Variants in FRMD4B observed in about 807,000 individuals in gnomAD.
FRMD4B encodes the protein FERM domain containing 4B, also known as FERM domain-containing protein 4B.
Under a neutral mutation model 141.5 loss-of-function variants are expected in FRMD4B, and 74 were observed. The observed-to-expected ratio is 0.52, with a 90% CI of 0.43 to 0.63. The LOEUF (loss-of-function observed/expected upper bound fraction) is 0.63, where lower values mean the gene tolerates loss of function less well. FRMD4B is among the 30% of genes least tolerant of loss of function. The probability of loss-of-function intolerance (pLI) is 0.00; values close to 1 mark genes in which losing one functional copy is unlikely to be tolerated. For missense variants in FRMD4B, 1,366 were observed against 1,253.4 expected, an observed-to-expected ratio of 1.09 and a Z score of -1.36; for synonymous variants, 506 against 467.9, an observed-to-expected ratio of 1.08 and a Z score of -1.05.
Position 69,215,437 on chromosome 3 carries a change from T to C in FRMD4B, c.876+826A>G, listed in dbSNP as rs138370355. 3.7e-3 allele frequency among the ~76,000 whole-genome samples: 554 copies of C among 151,466 alleles called. 7 individuals carry two copies. Among genetic ancestry groups the C allele is most frequent in the African/African-American group, 0.012 (513 of 41,324 alleles). On this transcript the variant is annotated intron_variant, in intron 11 of 22. Coordinates refer to ENST00000398540, the MANE Select transcript of FRMD4B (RefSeq NM_015123.3). ...CCTCCCGAGTAGCTAGGATTACAGA[T>C]GCCTGCCACTACACGTGGCTAATTT...
chr3:69,427,125 CT>C (rs1392987655), intron 2 of FRMD4B, among the ~76,000 whole-genome samples: 1 of 151,878 alleles, frequency 6.6e-6, no homozygotes, highest in Non-Finnish European at 1.5e-5. Flanking sequence ...AAACTGACCT[CT>C]GGTGGTAAAT....
intron 1 of FRMD4B, among the ~76,000 whole-genome samples, chr3:69,373,217 C>T (rs1703877909): frequency 6.6e-6 from 1 of 152,168 alleles, no homozygotes; most frequent in African/African-American, 2.4e-5. Context: ...ACCCTTTTTA[C>T]TTTAGTTTAA....
At chr3:69,530,619 T>C (rs1700997728) in intron 1 of FRMD4B, among the ~76,000 whole-genome samples, 1 of 152,014 alleles carries the variant, frequency 6.6e-6, no homozygotes, top group African/African-American at 2.4e-5. Context: ...CAAAATGAAC[T>C]AAGACGTTTA....
At chr3:69,387,914 T>C (rs1036189364), upstream of FRMD4B, among the ~76,000 whole-genome samples, 1 of 152,216 alleles carries the variant, frequency 6.6e-6, no homozygotes, top group Non-Finnish European at 1.5e-5. Flanking sequence ...CCATCAGTAT[T>C]AGTATTGATG....
intron 1 of FRMD4B, among the ~76,000 whole-genome samples, chr3:69,479,168 A>G (rs1706066683): frequency 1.3e-5 from 2 of 150,526 alleles, no homozygotes; most frequent in Admixed American, 1.3e-4. Context: ...CCAATTTGCC[A>G]GTCTGGGTCT....
intron 5 of FRMD4B, among the ~76,000 whole-genome samples, chr3:69,270,139 C>T (rs1438741160): frequency 1.3e-5 from 2 of 152,162 alleles, no homozygotes; most frequent in African/African-American, 2.4e-5. Context: ...CCTTGGCCTA[C>T]GGCGTAGCCA....
rs1191485045 is a variant in FRMD4B at position 69,268,893 on chromosome 3, G to A, written c.502-18794C>T. ...ACCAACATTCTTCTTGTATAATTGT[G>A]GTTATATATGATCAAGTACTTCTTA... On this transcript the variant is annotated intron_variant, in intron 5 of 22. Coordinates refer to ENST00000398540, the MANE Select transcript of FRMD4B (RefSeq NM_015123.3). Among the ~76,000 whole-genome samples the A allele has an allele frequency of 1.3e-5, 2 of 150,900 alleles. 1 individual carries two copies. Among genetic ancestry groups the A allele is most frequent in the Middle Eastern group, 6.4e-3 (2 of 312 alleles).
At chr3:69,340,467 T>A (rs958851443) in intron 1 of FRMD4B, among the ~76,000 whole-genome samples, 1 of 152,222 alleles carries the variant, frequency 6.6e-6, no homozygotes, top group Admixed American at 6.5e-5. Flanking sequence ...GCTCCATTGA[T>A]GTTTTTGCGA....
Position 69,171,737 on chromosome 3 carries a change from G to C in FRMD4B, c.*124C>G. 1.1e-6 allele frequency: 1 copy of C among 902,532 alleles called. No homozygotes were observed. Among genetic ancestry groups the C allele is most frequent in the Non-Finnish European group, 1.7e-6 (1 of 578,592 alleles). 55.9% of individuals were successfully genotyped at this position (902,532 alleles called of 1,614,324 possible). ...ACTGATTCACTTCCAGGGCAACTAA[G>C]TCTTCTCTTCAACCTTTGATGTCTT... On this transcript the variant is annotated 3_prime_UTR_variant, in exon 23 of 23. Coordinates refer to ENST00000398540, the MANE Select transcript of FRMD4B (RefSeq NM_015123.3).
At chr3:69,358,253 G>A (rs1242971390) in intron 1 of FRMD4B, among the ~76,000 whole-genome samples, 1 of 152,202 alleles carries the variant, frequency 6.6e-6, no homozygotes. Context: ...AGCTGGGTGT[G>A]TGGCCTATGT....
At chr3:69,511,055 A>G (rs1706677868) in intron 1 of FRMD4B, among the ~76,000 whole-genome samples, 1 of 152,172 alleles carries the variant, frequency 6.6e-6, no homozygotes, top group Admixed American at 6.5e-5. Flanking sequence ...CCATTTTTCC[A>G]AGTATGTTTA....
Position 69,277,340 on chromosome 3 carries a change from A to G in FRMD4B, c.501+10412T>C, listed in dbSNP as rs563420995. On this transcript the variant is annotated intron_variant, in intron 5 of 22. Transcript: ENST00000398540. ...TAACTGATTTGGTACTCAGGTCAGT[A>G]TCTCTTGACTAATTCCAAAGATGTT... 3.2e-4 allele frequency among the ~76,000 whole-genome samples: 49 copies of G among 152,210 alleles called. No individual in the cohort carries two copies. The South Asian group carries it at 4.4e-3, about 14-fold the overall frequency.
intron 1 of FRMD4B, among the ~76,000 whole-genome samples, chr3:69,315,289 T>C (rs939084715): frequency 1.3e-5 from 2 of 152,210 alleles, no homozygotes; most frequent in African/African-American, 2.4e-5. Flanking sequence ...CCAAACCATT[T>C]TATCTGCAGA....
At chr3:69,246,774 G>A (rs574103578) in intron 7 of FRMD4B, among the ~76,000 whole-genome samples, 43 of 152,254 alleles carry the variant, frequency 2.8e-4, no homozygotes, top group African/African-American at 9.6e-4. Flanking sequence ...AACAGTGTGC[G>A]CCACTTCAAC....
At chr3:69,437,016 A>G (rs1158564425) in intron 1 of FRMD4B, among the ~76,000 whole-genome samples, 2 of 152,156 alleles carry the variant, frequency 1.3e-5, no homozygotes, top group Admixed American at 6.5e-5. Flanking sequence ...ATGGGCATAG[A>G]GTTTCAGTTC....
intron 5 of FRMD4B, among the ~76,000 whole-genome samples, chr3:69,272,326 G>C (rs2093598111): frequency 6.6e-6 from 1 of 152,100 alleles, no homozygotes; most frequent in South Asian, 2.1e-4. Flanking sequence ...GTTTTTAGTA[G>C]AGATGGTTAA....
intron 2 of FRMD4B, among the ~76,000 whole-genome samples, chr3:69,419,225 G>T (rs544516957): frequency 1.2e-4 from 19 of 152,302 alleles, no homozygotes; most frequent in African/African-American, 4.6e-4. Context: ...ACTGACCAAA[G>T]CAAGTATGAA....
intron 1 of FRMD4B, among the ~76,000 whole-genome samples, chr3:69,448,678 G>C (rs1047373279): frequency 3.3e-5 from 5 of 152,142 alleles, no homozygotes; most frequent in African/African-American, 1.2e-4. Flanking sequence ...TCTGCAAAGG[G>C]CAATTTGAGA....
At chr3:69,433,548 G>A (rs1266686827) in intron 1 of FRMD4B, among the ~76,000 whole-genome samples, 1 of 152,224 alleles carries the variant, frequency 6.6e-6, no homozygotes. Flanking sequence ...ACTCCCCCTG[G>A]ATGTGCAAGG....
Sources: gnomAD v4.1 joint callset for allele counts (sites outside exome capture counted in the v4.1 genomes callset) on GRCh38, gnomAD v4.1.1 for gene constraint, MANE v1.5 for transcripts, NCBI Gene and HGNC (gene_info 2026-07-23, HGNC 2026-07-21) for gene names.